The following SHISAL1 variants were observed in gnomAD, a reference collection of about 807,000 sequenced individuals.
SHISAL1 encodes the protein shisa like 1.
Under a neutral mutation model 22.6 loss-of-function variants are expected in SHISAL1, and 9 were observed. The ratio of observed to expected loss-of-function variants is 0.40; its 90% CI spans 0.24 to 0.70. The LOEUF is 0.70. SHISAL1 is among the 30% of genes least tolerant of loss of function. The pLI is 0.39. For synonymous variants in SHISAL1, 119 were observed against 115.4 expected (o/e 1.03, Z -0.20); for missense variants, 246 against 270.6 (o/e 0.91, Z 0.64).
At chr22:44,324,260 G>T in the SHISAL1 span, among the ~76,000 whole-genome samples, 1 of 152,216 alleles carries the variant, frequency 6.6e-6, no homozygotes, top group Non-Finnish European at 1.5e-5. Flanking sequence ...ACTAGTAAGA[G>T]ATGGGGCTAG....
chr22:44,316,612 G>A (rs919345937), upstream of SHISAL1, among the ~76,000 whole-genome samples: 1 of 152,200 alleles, frequency 6.6e-6, no homozygotes, highest in Non-Finnish European at 1.5e-5. Context: ...CAAACAGGCA[G>A]CCCCAGTTTG....
intron 4 of SHISAL1, among the ~76,000 whole-genome samples, chr22:44,278,389 C>T (rs1040708646): frequency 1.9e-4 from 29 of 152,220 alleles, no homozygotes; most frequent in Admixed American, 1.6e-3. Context: ...TTATATAGCT[C>T]CTGTTAGTTC....
upstream of SHISAL1, among the ~76,000 whole-genome samples, chr22:44,313,689 T>A (rs915978851): frequency 6.6e-6 from 1 of 152,084 alleles, no homozygotes; most frequent in African/African-American, 2.4e-5. Context: ...CCCCAGCCCA[T>A]GGCCGTCTCC....
intron 3 of SHISAL1, among the ~76,000 whole-genome samples, chr22:44,289,466 A>ATGTGTGTGTGTGTGTGTG (rs35632126): frequency 8.3e-6 from 1 of 120,922 alleles, no homozygotes; most frequent in Non-Finnish European, 1.7e-5. Context: ...GTCATTGTAA[A>ATGTGTGTGTGTGTGTGTG]TGTGTGTGTG....
chr22:44,281,914 C>T (rs557101940), intron 4 of SHISAL1, among the ~76,000 whole-genome samples: 9 of 152,328 alleles, frequency 5.9e-5, no homozygotes, highest in African/African-American at 1.7e-4. Flanking sequence ...GGGCGGGGGA[C>T]GGCACAACGC....
At chr22:44,271,887 G>A (rs908839067) in intron 4 of SHISAL1, among the ~76,000 whole-genome samples, 5 of 152,214 alleles carry the variant, frequency 3.3e-5, no homozygotes, top group East Asian at 1.9e-4. Context: ...AGCTGGAGGC[G>A]TATTCACGAG....
At chr22:44,323,812 C>T in the SHISAL1 span, among the ~76,000 whole-genome samples, 1 of 152,242 alleles carries the variant, frequency 6.6e-6, no homozygotes, top group Admixed American at 6.5e-5. Context: ...GCTCTCTGAC[C>T]CTTCACTGCT....
intron 4 of SHISAL1, among the ~76,000 whole-genome samples, chr22:44,259,226 G>A (rs1288228932): frequency 2.6e-5 from 4 of 151,992 alleles, no homozygotes; most frequent in Admixed American, 2.6e-4. Context: ...GGCGGATCAC[G>A]AGGTCAGGAG....
At chr22:44,317,385 C>T (rs2147317292), upstream of SHISAL1, among the ~76,000 whole-genome samples, 1 of 152,348 alleles carries the variant, frequency 6.6e-6, no homozygotes, top group South Asian at 2.1e-4. Flanking sequence ...AATGGCTGGA[C>T]AGCGAGGGAA....
At chr22:44,327,343 T>C in the SHISAL1 span, among the ~76,000 whole-genome samples, 2 of 151,890 alleles carry the variant, frequency 1.3e-5, no homozygotes, top group South Asian at 4.1e-4. Context: ...CACTGTGTCC[T>C]GAGGGGCTGA....
At chr22:44,327,603 T>C in the SHISAL1 span, among the ~76,000 whole-genome samples, 1 of 152,152 alleles carries the variant, frequency 6.6e-6, no homozygotes, top group African/African-American at 2.4e-5. Flanking sequence ...CTCAGTGACC[T>C]TGGAGTCTCC....
chr22:44,267,696 C>CACA (rs781052419), intron 4 of SHISAL1, among the ~76,000 whole-genome samples: 3 of 152,248 alleles, frequency 2.0e-5, no homozygotes, highest in African/African-American at 2.4e-5. Flanking sequence ...CTTCCTCCCC[C>CACA]ACACTCATGC....
At chr22:44,318,518 G>C in the SHISAL1 span, among the ~76,000 whole-genome samples, 2 of 152,366 alleles carry the variant, frequency 1.3e-5, no homozygotes, top group South Asian at 4.1e-4. Flanking sequence ...AGGCTGGCCT[G>C]GGGGAGGGAA....
chr22:44,310,971 T>G lies in SHISAL1; in HGVS notation c.-33+1780A>C. 6.6e-6 allele frequency among the ~76,000 whole-genome samples: 1 copy of G among 152,092 alleles called. No individual in the cohort carries two copies. Reference sequence around the variant, plus strand: ...CTCCATTAGCACTCGTTGGCCTGGTTTGTTTTATTGCAAAGAGCAAACTTC... The same window carrying G: ...CTCCATTAGCACTCGTTGGCCTGGTGTGTTTTATTGCAAAGAGCAAACTTC... On this transcript the variant is annotated intron_variant, in intron 1 of 4. Transcript: ENST00000381176. The surrounding 1 kb of genome is among the most constrained non-coding windows in gnomAD (Gnocchi z 4.0).
chr22:44,296,656 C>A lies in SHISAL1; in HGVS notation c.281+16G>T, dbSNP rs1415736084. On this transcript the variant is annotated intron_variant, in intron 3 of 4. Transcript: ENST00000381176. ...GGCCCGAGGCAGTGGGGTTGCACCC[C>A]CAGAGTGGCACTCACTTGTGCATGT... 1 of 1,611,710 alleles carries A rather than the reference C, an allele frequency of 6.2e-7. No homozygotes were observed.
chr22:44,276,382 A>G (rs534966179), intron 4 of SHISAL1, among the ~76,000 whole-genome samples: 1 of 152,270 alleles, frequency 6.6e-6, no homozygotes, highest in South Asian at 2.1e-4. Flanking sequence ...ATTGTTGGCC[A>G]AGGAAAGCAT....
At chr22:44,307,327 G>A (rs2055486488) in intron 1 of SHISAL1, among the ~76,000 whole-genome samples, 1 of 152,138 alleles carries the variant, frequency 6.6e-6, no homozygotes, top group Non-Finnish European at 1.5e-5. Context: ...TAAGGAGGTG[G>A]ATCACCAAGC....
At chr22:44,275,879 T>C (rs770097422) in intron 4 of SHISAL1, among the ~76,000 whole-genome samples, 2 of 152,236 alleles carry the variant, frequency 1.3e-5, no homozygotes, top group Non-Finnish European at 2.9e-5. Flanking sequence ...ATGCAGCTCA[T>C]TGATTGGACA....
At chr22:44,297,507 T>C (rs1382700291) in intron 2 of SHISAL1, among the ~76,000 whole-genome samples, 1 of 152,242 alleles carries the variant, frequency 6.6e-6, no homozygotes, top group East Asian at 1.9e-4. Flanking sequence ...CCTTCGTTCC[T>C]TGGTTTCTAC....
Sources: allele counts gnomAD v4.1 joint callset (sites outside exome capture counted in the v4.1 genomes callset), GRCh38; gene constraint gnomAD v4.1.1; non-coding constraint Gnocchi (gnomAD v3.1); transcripts MANE v1.5; gene names NCBI Gene and HGNC (gene_info 2026-07-23, HGNC 2026-07-21).